The following CDK12 variants were observed in gnomAD, a reference collection of about 807,000 sequenced individuals.
CDK12 encodes the protein cyclin-dependent kinase 12.
Under a neutral mutation model 133.8 loss-of-function variants are expected in CDK12, and 17 were observed. That is an observed-to-expected ratio of 0.13 (90% CI 0.09 to 0.19). The LOEUF (loss-of-function observed/expected upper bound fraction) is 0.19, where lower values mean the gene tolerates loss of function less well. CDK12 is among the 10% of genes least tolerant of loss of function. The pLI is 1.00. For synonymous variants in CDK12, 694 were observed against 683.6 expected (o/e 1.02, Z -0.24); for missense variants, 1,508 against 1,818.7 (o/e 0.83, Z 3.11).
chr17:39,498,103 G>A (rs2052280658), intron 5 of CDK12, among the ~76,000 whole-genome samples: 1 of 151,720 alleles, frequency 6.6e-6, no homozygotes, highest in Non-Finnish European at 1.5e-5. Context: ...CTGGGTTCAA[G>A]GGATCCCCCT....
Position 39,471,526 on chromosome 17 carries a change from C to T in CDK12, c.1694C>T (p.Pro565Leu). Residue 565 changes from proline to leucine, a missense_variant, in exon 2 of 14, where the codon CCT becomes CTT. By Grantham distance (98) the Pro-to-Leu change is moderately conservative. Transcript: ENST00000447079. ...PPIPALPQQP[P>L]LPPSQPAFSQ... Reference sequence around the variant, plus strand: ...ATACCAGCTCTTCCACAGCAACCACCTCTGCCTCCTTCTCAGCCAGCATTT... The same window carrying T: ...ATACCAGCTCTTCCACAGCAACCACTTCTGCCTCCTTCTCAGCCAGCATTT... The T allele has an allele frequency of 1.2e-6, 2 of 1,613,960 alleles. No individual in the cohort carries two copies. The highest frequency in any genetic ancestry group is 1.1e-5 in the South Asian group (1 of 91,060).
In CDK12 at chr17:39,515,641, C is replaced by G; in HGVS notation, c.2769-90C>G. The G allele has an allele frequency of 1.5e-5, 11 of 745,988 alleles. No homozygotes were observed. In the South Asian group the frequency reaches 1.9e-4, roughly 13 times the overall value. 46.2% of individuals were successfully genotyped at this position (745,988 alleles called of 1,614,324 possible). A position where few individuals can be genotyped will look rare whatever the true frequency, so the allele number is the denominator to read the frequency against. ...TGGGGCTATTTATCTTGGTTGCAAT[C>G]CGACATATCAATAATGTAAAAATTT... On this transcript the variant is annotated intron_variant, in intron 8 of 13. Coordinates refer to ENST00000447079, the MANE Select transcript of CDK12 (RefSeq NM_016507.4).
rs568488211 is a variant in CDK12 at position 39,531,785 on chromosome 17, T to G, written c.*469T>G. 187 of 235,008 alleles carry G rather than the reference T, an allele frequency of 8.0e-4. 1 individual carries two copies. The highest frequency in any genetic ancestry group is 3.9e-3 in the African/African-American group (179 of 45,494). The allele number at this position is 235,008 out of a possible 1,614,324, so 14.6% of individuals were successfully genotyped here. On this transcript the variant is annotated 3_prime_UTR_variant, in exon 14 of 14. Coordinates refer to ENST00000447079, the MANE Select transcript of CDK12 (RefSeq NM_016507.4). ...GGTTTTTTTCCTTTAAAGAGAATAG[T>G]GTTCACAAAATTTGAGCTGCTCTTT... is the stretch of plus-strand genomic sequence containing the variant.
At chr17:39,511,721 T>G (rs1398391940) in intron 8 of CDK12, 91 bp downstream of exon 8, 25 of 656,408 alleles carry the variant, frequency 3.8e-5, no homozygotes, top group Admixed American at 2.8e-5. Context: ...TTTAGAGCTC[T>G]TCTTAAGTTC....
intron 5 of CDK12, among the ~76,000 whole-genome samples, chr17:39,496,373 G>T (rs2052110735): frequency 6.6e-6 from 1 of 151,970 alleles, no homozygotes; most frequent in Non-Finnish European, 1.5e-5. Context: ...ACCAGTCCCT[G>T]TTGAGCAATT....
At chr17:39,546,525 A>C (rs1440484162), upstream of CDK12, 1 of 152,146 alleles carries the variant, frequency 6.6e-6, no homozygotes, top group Non-Finnish European at 1.5e-5. Flanking sequence ...CAAGCACCAA[A>C]AAGCTATTTT....
At position 39,531,549 on chromosome 17, in the gene CDK12, A is replaced by T. The variant is rs1221936291; in HGVS notation, c.*233A>T. 1 of 399,456 alleles carries T rather than the reference A, an allele frequency of 2.5e-6. No individual in the cohort carries two copies. Among genetic ancestry groups the T allele is most frequent in the Admixed American group, 4.1e-5 (1 of 24,588 alleles). 24.7% of individuals were successfully genotyped at this position (399,456 alleles called of 1,614,324 possible). On this transcript the variant is annotated 3_prime_UTR_variant, in exon 14 of 14. Transcript: ENST00000447079. Reference sequence around the variant, plus strand: ...TAGCCAGAACATTTACTTCAACTCTACCTTAGTAGATACAAGTAGAGAATA... The same window carrying T: ...TAGCCAGAACATTTACTTCAACTCTTCCTTAGTAGATACAAGTAGAGAATA...
chr17:39,471,243 G>A lies in CDK12; in HGVS notation c.1411G>A (p.Glu471Lys), dbSNP rs1245449401. Residue 471 changes from glutamate (E) to lysine (K), a missense_variant, in exon 2 of 14, where the codon GAG (glutamate) becomes AAG (lysine). By Grantham distance (56) the Glu-to-Lys change is moderately conservative. This residue lies in a region of CDK12 where 347 missense variants were observed against 330.8 expected (regional missense o/e 1.05). Transcript: ENST00000447079. ...GGTGAATGTAACACATCTAAACACA[G>A]AGGTAAAAAATTCTTCAGATACAGG... ...ELVNVTHLNT[E>K]VKNSSDTGKV... 6.2e-7 allele frequency: 1 copy of A among 1,608,602 alleles called. No homozygotes were observed. The highest frequency in any genetic ancestry group is 8.5e-7 in the Non-Finnish European group (1 of 1,178,544).
intron 8 of CDK12, among the ~76,000 whole-genome samples, chr17:39,513,024 G>A (rs1187651215): frequency 6.6e-6 from 1 of 152,080 alleles, no homozygotes; most frequent in Admixed American, 6.6e-5. Context: ...CACCATAGTA[G>A]TGTTACAGTA....
Position 39,481,631 on chromosome 17 carries a change from GCGCTCTCTCTCTCTCTCTCTCT to G in CDK12, c.1932-8924_1932-8903del, listed in dbSNP as rs2050669492. ...AGCACTTATGTGCTTGCTCGCTCGC[GCGCTCTCTCTCTCTCTCTCTCT>G]CTCTCTCTCTCTCTCTCTCTCTCTC... On this transcript the variant is annotated intron_variant, in intron 2 of 13. Coordinates refer to ENST00000447079, the MANE Select transcript of CDK12 (RefSeq NM_016507.4). 2.6e-4 allele frequency among the ~76,000 whole-genome samples: 9 copies of G among 34,272 alleles called. 1 individual carries two copies. Among genetic ancestry groups the G allele is most frequent in the African/African-American group, 4.5e-4 (6 of 13,288 alleles). 22.5% of individuals were successfully genotyped at this position (34,272 alleles called of 152,430 possible).
intron 6 of CDK12, among the ~76,000 whole-genome samples, chr17:39,504,750 A>G (rs1003352616): frequency 9.2e-5 from 14 of 151,684 alleles, no homozygotes; most frequent in Non-Finnish European, 1.9e-4. Context: ...TTGGTGGTGC[A>G]CGCATCTAAT....
At chr17:39,545,270 A>G (rs1055987615), upstream of CDK12, among the ~76,000 whole-genome samples, 1 of 152,088 alleles carries the variant, frequency 6.6e-6, no homozygotes, top group Non-Finnish European at 1.5e-5. Context: ...GCATTATCAT[A>G]GCTCACTGCA....
chr17:39,554,523 C>T (rs1312761019), intron 2 of CDK12, among the ~76,000 whole-genome samples: 1 of 152,080 alleles, frequency 6.6e-6, no homozygotes, highest in Non-Finnish European at 1.5e-5. Flanking sequence ...AGAAAGTGGA[C>T]CAGGAGAACC....
At chr17:39,506,203 G>T in intron 6 of CDK12, among the ~76,000 whole-genome samples, 1 of 147,832 alleles carries the variant, frequency 6.8e-6, no homozygotes, top group African/African-American at 2.5e-5. Flanking sequence ...CATACAATAT[G>T]ATTATATGAT....
At chr17:39,501,520 T>A (rs1043515138) in intron 6 of CDK12, 81 bp downstream of exon 6, 4 of 893,502 alleles carry the variant, frequency 4.5e-6, no homozygotes, top group Non-Finnish European at 6.9e-6. Context: ...ATTGGTATTA[T>A]AATTAGACCT....
chr17:39,493,006 TTTG>T (rs1249710798), intron 4 of CDK12, 116 bp downstream of exon 4: 1 of 948,270 alleles, frequency 1.1e-6, no homozygotes. Context: ...TGTTTGTTTG[TTTG>T]TTTTTTGAGA....
chr17:39,526,064 T>TCAGAGACCATGGCCC lies in CDK12; in HGVS notation c.3514_3528dup (p.Thr1172_Glu1176dup), dbSNP rs1401276867. 1 of 1,614,220 alleles carries TCAGAGACCATGGCCC rather than the reference T, an allele frequency of 6.2e-7. No homozygotes were observed. The highest frequency in any genetic ancestry group is 8.5e-7 in the Non-Finnish European group (1 of 1,180,024). Reference sequence around the variant, plus strand: ...GGAAGCTACTTCCCAGCAGCAGGACTCAGAGACCATGGCCCCAGAGGAGTC... The same window carrying TCAGAGACCATGGCCC: ...GGAAGCTACTTCCCAGCAGCAGGACTCAGAGACCATGGCCCCAGAGACCATGGCCCCAGAGGAGTC... On this transcript the variant is annotated inframe_insertion, in exon 13 of 14. Transcript: ENST00000447079.
In CDK12 at chr17:39,490,574, C is replaced by T. The variant is rs532472038; in HGVS notation, c.1949C>T (p.Pro650Leu). 8.1e-6 allele frequency: 13 copies of T among 1,610,328 alleles called. No individual in the cohort carries two copies. The East Asian group carries it at 1.8e-4, about 22-fold the overall frequency. The change falls in exon 3 of 14, where the codon CCT becomes CTT. Residue 650 changes from proline (P) to leucine (L), a missense_variant. Pro to Leu is a moderately conservative substitution (Grantham distance 98). Transcript: ENST00000447079. ...DDMDSPKETL[P>L]SKPVKKEKEQ... ...TTGTTTAGTCCAAAAGAAACTCTTCCTTCAAAACCTGTGAAGAAAGAGAAG... is the reference window on the plus strand; with the variant it reads ...TTGTTTAGTCCAAAAGAAACTCTTCTTTCAAAACCTGTGAAGAAAGAGAAG...
intron 3 of CDK12, among the ~76,000 whole-genome samples, chr17:39,563,467 C>CCA (rs1355986356): frequency 1.3e-5 from 1 of 74,302 alleles, no homozygotes; most frequent in South Asian, 8.8e-4. Flanking sequence ...CTTCCCGCCC[C>CCA]CCCCCCGCCC....
Sources: gnomAD v4.1 joint callset for allele counts (sites outside exome capture counted in the v4.1 genomes callset) on GRCh38, gnomAD v4.1.1 for gene constraint, gnomAD v4.1.1 regional missense constraint, MANE v1.5 for transcripts, NCBI Gene and HGNC (gene_info 2026-07-23, HGNC 2026-07-21) for gene names.